Variants in PPP2R2B observed in about 807,000 individuals in gnomAD.
PPP2R2B encodes the protein serine/threonine-protein phosphatase 2A 55 kDa regulatory subunit B beta isoform.
A neutral mutation model predicts 46.0 loss-of-function variants in PPP2R2B; 5 were observed. The ratio of observed to expected loss-of-function variants is 0.11; its 90% confidence interval spans 0.06 to 0.23. The LOEUF (loss-of-function observed/expected upper bound fraction) is 0.23. Among genes scored for constraint, PPP2R2B ranks in the 10% least tolerant of loss-of-function variants. PPP2R2B has a pLI of 1.00. For missense variants in PPP2R2B, 367 were observed against 575.0 expected (o/e 0.64, Z 3.70); for synonymous variants, 215 against 206.7 (o/e 1.04, Z -0.34).
intron 1 of PPP2R2B, among the ~76,000 whole-genome samples, chr5:146,955,774 C>CTTTTTTTTTTT (rs5872000): frequency 8.6e-6 from 1 of 115,658 alleles, no homozygotes; most frequent in African/African-American, 3.4e-5. Flanking sequence ...CTTTCTATTA[C>CTTTTTTTTTTT]TTTTTTTTTT....
chr5:146,807,743 C>G (rs755297172), intron 2 of PPP2R2B, among the ~76,000 whole-genome samples: 1 of 143,770 alleles, frequency 7.0e-6, no homozygotes, highest in East Asian at 2.1e-4. Context: ...TATGCCCTCT[C>G]CAACTCCTTG....
chr5:146,698,697 G>GGAGGGAAA (rs1779356618), intron 3 of PPP2R2B, among the ~76,000 whole-genome samples: 1 of 151,820 alleles, frequency 6.6e-6, no homozygotes, highest in Non-Finnish European at 1.5e-5. Flanking sequence ...ACTTTCCCTA[G>GGAGGGAAA]GTCTCACAGC....
intron 1 of PPP2R2B, among the ~76,000 whole-genome samples, chr5:146,898,298 C>A (rs1032036494): frequency 6.6e-6 from 1 of 152,114 alleles, no homozygotes; most frequent in African/African-American, 2.4e-5. Flanking sequence ...GGTACCAGTA[C>A]CATGCTGTTT....
intron 2 of PPP2R2B, among the ~76,000 whole-genome samples, chr5:146,829,256 A>G (rs899437251): frequency 1.3e-5 from 2 of 152,208 alleles, no homozygotes; most frequent in African/African-American, 2.4e-5. Flanking sequence ...CTGCTAAGTA[A>G]ATAAGAAAAA....
intron 2 of PPP2R2B, among the ~76,000 whole-genome samples, chr5:146,766,318 A>C (rs1394036749): frequency 6.6e-6 from 1 of 152,166 alleles, no homozygotes; most frequent in Non-Finnish European, 1.5e-5. Flanking sequence ...AAAAAAGAGA[A>C]AATGTCTCTA....
At chr5:146,887,133 A>G (rs1191401316) in intron 1 of PPP2R2B, among the ~76,000 whole-genome samples, 1 of 152,068 alleles carries the variant, frequency 6.6e-6, no homozygotes, top group African/African-American at 2.4e-5. Context: ...ATCTTATTTA[A>G]TCTGTCAAAA....
intron 5 of PPP2R2B, among the ~76,000 whole-genome samples, chr5:146,682,885 C>A (rs1031977993): frequency 6.6e-6 from 1 of 152,156 alleles, no homozygotes; most frequent in Non-Finnish European, 1.5e-5. Context: ...TAATGTTGTC[C>A]TCAGACTGAT....
At chr5:147,062,676 G>A (rs1231332438) in intron 2 of PPP2R2B, among the ~76,000 whole-genome samples, 1 of 151,944 alleles carries the variant, frequency 6.6e-6, no homozygotes, top group Non-Finnish European at 1.5e-5. Flanking sequence ...CTCCCCTACT[G>A]TCTAGTACAG....
At position 146,589,081 on chromosome 5, in the gene PPP2R2B, T is replaced by A. The variant is rs1242325785; in HGVS notation, c.*866A>T. On this transcript the variant is annotated 3_prime_UTR_variant, in exon 10 of 10. Transcript: ENST00000394411. ...CCAGGACTCGGCCTTTAGAAGTCAA[T>A]GGAATAAATAAGCTGGAAAAGGTTG... 1 of 151,882 alleles carries A rather than the reference T, an allele frequency of 6.6e-6. No individual in the cohort carries two copies. Among genetic ancestry groups the A allele is most frequent in the African/African-American group, 2.4e-5 (1 of 41,290 alleles). 9.4% of individuals were successfully genotyped at this position (151,882 alleles called of 1,614,324 possible). A position where few individuals can be genotyped will look rare whatever the true frequency, so the allele number is the denominator to read the frequency against.
At chr5:146,768,423 T>A (rs552200321) in intron 2 of PPP2R2B, among the ~76,000 whole-genome samples, 1 of 152,030 alleles carries the variant, frequency 6.6e-6, no homozygotes, top group Non-Finnish European at 1.5e-5. Context: ...GGGGGTGAAA[T>A]GGTTAACAGT....
chr5:146,983,186 T>TTTTTC (rs1438039503), intron 1 of PPP2R2B, among the ~76,000 whole-genome samples: 1 of 134,100 alleles, frequency 7.5e-6, no homozygotes, highest in Non-Finnish European at 1.6e-5. Context: ...ATTTTTTTTT[T>TTTTTC]TTTTTTTTTT....
At chr5:146,666,120 T>C (rs1312955754) in intron 5 of PPP2R2B, among the ~76,000 whole-genome samples, 1 of 152,222 alleles carries the variant, frequency 6.6e-6, no homozygotes, top group African/African-American at 2.4e-5. Context: ...TTTAATGTCA[T>C]AGCTTATCTA....
intron 2 of PPP2R2B, among the ~76,000 whole-genome samples, chr5:146,749,606 CT>C (rs1045634394): frequency 0.026 from 2,748 of 103,832 alleles, 57 homozygotes; most frequent in African/African-American, 0.084. Context: ...CTTTTCTTTT[CT>C]TTTTTTTTTT....
At chr5:146,939,525 T>G (rs189849334) in intron 1 of PPP2R2B, among the ~76,000 whole-genome samples, 1 of 152,350 alleles carries the variant, frequency 6.6e-6, no homozygotes, top group East Asian at 1.9e-4. Flanking sequence ...TGTAAGTCAT[T>G]CATAATTCTT....
chr5:146,879,459 C>T (rs143434990), upstream of PPP2R2B, among the ~76,000 whole-genome samples: 1 of 152,170 alleles, frequency 6.6e-6, no homozygotes, highest in Non-Finnish European at 1.5e-5. Flanking sequence ...CAAATTATTG[C>T]AGCCTCTCCG....
chr5:146,809,378 A>C (rs1311607226), intron 2 of PPP2R2B, among the ~76,000 whole-genome samples: 1 of 152,178 alleles, frequency 6.6e-6, no homozygotes, highest in Non-Finnish European at 1.5e-5. Context: ...AGTCTCTACT[A>C]GAATAGTTCT....
At chr5:146,682,975 T>C (rs980922853) in intron 5 of PPP2R2B, among the ~76,000 whole-genome samples, 13 of 152,172 alleles carry the variant, frequency 8.5e-5, no homozygotes, top group Admixed American at 2.6e-4. Flanking sequence ...ATCTCTACTT[T>C]TGAGTAGAGA....
At chr5:146,664,764 T>C (rs1478140488) in intron 5 of PPP2R2B, among the ~76,000 whole-genome samples, 1 of 152,204 alleles carries the variant, frequency 6.6e-6, no homozygotes, top group Admixed American at 6.5e-5. Flanking sequence ...TTGGTAGCGA[T>C]AGCCTTTCAA....
intron 1 of PPP2R2B, among the ~76,000 whole-genome samples, chr5:147,012,952 T>C (rs1266642003): frequency 6.6e-6 from 1 of 152,082 alleles, no homozygotes; most frequent in Non-Finnish European, 1.5e-5. Context: ...AGATACCTGT[T>C]TGCAGACGAC....
Sources: gnomAD v4.1 joint callset for allele counts (sites outside exome capture counted in the v4.1 genomes callset) on GRCh38, gnomAD v4.1.1 for gene constraint, MANE v1.5 for transcripts, NCBI Gene and HGNC (gene_info 2026-07-23, HGNC 2026-07-21) for gene names.